EXTL3: variants seen among roughly 807,000 people sequenced by gnomAD.
EXTL3 encodes exostosin-like 3.
In EXTL3, 27 loss-of-function variants were observed where a neutral mutation model predicts 69.3. The ratio of observed to expected loss-of-function variants is 0.39; its 90% confidence interval spans 0.29 to 0.54. The LOEUF (loss-of-function observed/expected upper bound fraction) is 0.54. Among genes scored for constraint, EXTL3 ranks in the 20% least tolerant of loss-of-function variants. The probability of loss-of-function intolerance (pLI) is 0.69; values close to 1 mark genes in which losing one functional copy is unlikely to be tolerated. For synonymous variants in EXTL3, 511 were observed against 499.4 expected, an observed-to-expected ratio of 1.02 and a Z score of -0.31; for missense variants, 1,003 against 1,231.8, an observed-to-expected ratio of 0.81 and a Z score of 2.78.
chr8:28,705,446 G>C (rs1266865369), intron 1 of EXTL3, among the ~76,000 whole-genome samples: 1 of 151,972 alleles, frequency 6.6e-6, no homozygotes, highest in Non-Finnish European at 1.5e-5. Flanking sequence ...GGCTGGGCAC[G>C]GTGGCTCACA....
chr8:28,648,860 G>C (rs540192334), intron 1 of EXTL3, among the ~76,000 whole-genome samples: 1 of 151,906 alleles, frequency 6.6e-6, no homozygotes, highest in Non-Finnish European at 1.5e-5. Flanking sequence ...GACTGTAGGC[G>C]TGCACCACCA....
chr8:28,694,311 C>T (rs1022132198), intron 1 of EXTL3, among the ~76,000 whole-genome samples: 18 of 152,256 alleles, frequency 1.2e-4, no homozygotes, highest in African/African-American at 4.3e-4. Flanking sequence ...TTACATTTCT[C>T]TGGCTTGTAT....
chr8:28,663,403 G>A (rs1807146701), intron 1 of EXTL3, among the ~76,000 whole-genome samples: 1 of 152,180 alleles, frequency 6.6e-6, no homozygotes, highest in East Asian at 1.9e-4. Context: ...AACTGTTGGT[G>A]CCCTTGTACT....
intron 1 of EXTL3, among the ~76,000 whole-genome samples, chr8:28,635,545 A>C (rs1240361162): frequency 7.1e-6 from 1 of 141,024 alleles, no homozygotes; most frequent in East Asian, 2.0e-4. Context: ...ACTAAAAAAT[A>C]CAAAAAAAAA....
chr8:28,734,727 A>T (rs1801610345), intron 4 of EXTL3, among the ~76,000 whole-genome samples: 1 of 152,182 alleles, frequency 6.6e-6, no homozygotes, highest in African/African-American at 2.4e-5. Flanking sequence ...AAACAAAAAA[A>T]ACACTGGAGT....
At chr8:28,627,815 A>G (rs1053601183) in intron 1 of EXTL3, among the ~76,000 whole-genome samples, 8 of 152,222 alleles carry the variant, frequency 5.3e-5, no homozygotes, top group Admixed American at 5.2e-4. Context: ...CATCATGCTA[A>G]GTGAAATAAG....
chr8:28,715,919 A>C lies in EXTL3; in HGVS notation c.-141A>C. The C allele has an allele frequency of 1.5e-6, 1 of 673,958 alleles. No individual in the cohort carries two copies. The highest frequency in any genetic ancestry group is 1.9e-5 in the South Asian group (1 of 52,916). 41.7% of individuals were successfully genotyped at this position (673,958 alleles called of 1,614,324 possible). Reference sequence around the variant, plus strand: ...TGCAGCTGAGGAAAATGAAATGTTCATTTTATTTGGTGCCTTGTCTGGGGA... The same window carrying C: ...TGCAGCTGAGGAAAATGAAATGTTCCTTTTATTTGGTGCCTTGTCTGGGGA... On this transcript the variant is annotated 5_prime_UTR_variant, in exon 3 of 7. Transcript: ENST00000220562.
chr8:28,608,104 C>A (rs1224618720), intron 2 of EXTL3, among the ~76,000 whole-genome samples: 2 of 145,456 alleles, frequency 1.4e-5, no homozygotes, highest in African/African-American at 2.6e-5. Flanking sequence ...AGCGAGACAC[C>A]ATCTCAAAAA....
intron 1 of EXTL3, among the ~76,000 whole-genome samples, chr8:28,685,055 G>A (rs546623514): frequency 2.8e-4 from 35 of 126,298 alleles, no homozygotes; most frequent in Admixed American, 1.4e-3. Flanking sequence ...GGGTTCAAGC[G>A]ATTCTCCTGC....
intron 2 of EXTL3, among the ~76,000 whole-genome samples, chr8:28,608,198 C>A (rs1468246694): frequency 2.0e-5 from 3 of 152,004 alleles, no homozygotes; most frequent in African/African-American, 7.3e-5. Context: ...TTGCAGCGAT[C>A]TCTTAGGGGA....
chr8:28,645,125 T>TCTCTC (rs1491431478), intron 1 of EXTL3, among the ~76,000 whole-genome samples: 1 of 152,126 alleles, frequency 6.6e-6, no homozygotes, highest in African/African-American at 2.4e-5. Context: ...GCTCAACCAG[T>TCTCTC]CTCTCCTGGG....
chr8:28,713,821 A>G (rs1259670232), intron 2 of EXTL3, among the ~76,000 whole-genome samples: 1 of 151,676 alleles, frequency 6.6e-6, no homozygotes, highest in Non-Finnish European at 1.5e-5. Flanking sequence ...GTTCTTTGTA[A>G]TGGACAAAGT....
At chr8:28,722,706 C>G (rs566897419) in intron 3 of EXTL3, among the ~76,000 whole-genome samples, 1 of 147,314 alleles carries the variant, frequency 6.8e-6, no homozygotes, top group African/African-American at 2.5e-5. Flanking sequence ...CCTGGTAAGT[C>G]AAGGCTGCAG....
At chr8:28,712,765 G>A (rs186449370) in intron 1 of EXTL3, among the ~76,000 whole-genome samples, 1 of 152,292 alleles carries the variant, frequency 6.6e-6, no homozygotes, top group East Asian at 1.9e-4. Context: ...TTGAATCATT[G>A]TTGAATTATT....
upstream of EXTL3, chr8:28,700,309 G>A (rs1244901731): frequency 6.6e-6 from 1 of 152,282 alleles, no homozygotes; most frequent in Admixed American, 6.5e-5. Context: ...TCCGAGTCGG[G>A]ACTAGTTTGG....
chr8:28,644,325 A>G (rs1208251522), intron 1 of EXTL3, among the ~76,000 whole-genome samples: 10 of 152,164 alleles, frequency 6.6e-5, no homozygotes, highest in Non-Finnish European at 1.3e-4. Flanking sequence ...TTGCTAGTGA[A>G]TCAGTGCTGC....
chr8:28,612,011 CG>C (rs543423458), intron 2 of EXTL3, among the ~76,000 whole-genome samples: 453 of 152,264 alleles, frequency 3.0e-3, no homozygotes, highest in Non-Finnish European at 4.7e-3. Flanking sequence ...GGATCCAGAA[CG>C]GTATTCTGAT....
chr8:28,631,010 C>G (rs1318025674), intron 1 of EXTL3, among the ~76,000 whole-genome samples: 1 of 152,138 alleles, frequency 6.6e-6, no homozygotes, highest in African/African-American at 2.4e-5. Context: ...CGTGGGACAC[C>G]TGAGATGAGA....
At chr8:28,748,303 G>A (rs924997722) in intron 6 of EXTL3, among the ~76,000 whole-genome samples, 5 of 151,704 alleles carry the variant, frequency 3.3e-5, no homozygotes, top group Non-Finnish European at 5.9e-5. Context: ...CCTGGGAGGC[G>A]GAGTTCGTAG....
Sources: gnomAD v4.1 joint callset for allele counts (sites outside exome capture counted in the v4.1 genomes callset) on GRCh38, gnomAD v4.1.1 for gene constraint, MANE v1.5 for transcripts, NCBI Gene and HGNC (gene_info 2026-07-23, HGNC 2026-07-21) for gene names.